ACBD6: variants seen among roughly 807,000 people sequenced by gnomAD.
ACBD6 encodes acyl-CoA-binding domain-containing protein 6.
Under a neutral mutation model 37.2 loss-of-function variants are expected in ACBD6, and 28 were observed. The observed-to-expected ratio is 0.75, with a 90% CI of 0.56 to 1.03. The LOEUF (loss-of-function observed/expected upper bound fraction) is 1.03, where lower values mean the gene tolerates loss of function less well. ACBD6 is among the 50% of genes least tolerant of loss of function. The pLI is 0.00. For missense variants in ACBD6, 340 were observed against 337.4 expected (o/e 1.01, Z -0.06); for synonymous variants, 113 against 126.8 (o/e 0.89, Z 0.73).
At chr1:180,435,337 C>CT in intron 3 of ACBD6, 1 of 432,680 alleles carries the variant, frequency 2.3e-6, no homozygotes, top group Non-Finnish European at 4.3e-6. Flanking sequence ...CAAGCTCCGT[C>CT]TCCTGGTTTC....
At chr1:180,429,797 C>T (rs1484105439) in intron 4 of ACBD6, among the ~76,000 whole-genome samples, 1 of 151,922 alleles carries the variant, frequency 6.6e-6, no homozygotes, top group East Asian at 1.9e-4. Flanking sequence ...AAAATTAACA[C>T]AAAAATCCTT....
At chr1:180,388,724 A>T (rs1243902733) in intron 6 of ACBD6, among the ~76,000 whole-genome samples, 1 of 152,130 alleles carries the variant, frequency 6.6e-6, no homozygotes, top group Admixed American at 6.5e-5. Flanking sequence ...TACAGGTGTG[A>T]CCCATCATGC....
intron 7 of ACBD6, among the ~76,000 whole-genome samples, chr1:180,305,367 T>C (rs1010263035): frequency 2.0e-5 from 3 of 152,080 alleles, no homozygotes; most frequent in African/African-American, 7.2e-5. Flanking sequence ...AAAGGGCTAA[T>C]ATCCAGAATC....
At chr1:180,450,647 C>T (rs1379074376) in intron 3 of ACBD6, among the ~76,000 whole-genome samples, 2 of 152,088 alleles carry the variant, frequency 1.3e-5, no homozygotes, top group Non-Finnish European at 2.9e-5. Flanking sequence ...GTAGTCCCAG[C>T]TATTCGGGAG....
At chr1:180,468,390 G>A (rs6670950) in intron 3 of ACBD6, among the ~76,000 whole-genome samples, 17,961 of 152,146 alleles carry the variant, frequency 0.12, 1,522 homozygotes, top group East Asian at 0.35. Flanking sequence ...CACCAAAGGA[G>A]GCTAAGAAGG....
intron 5 of ACBD6, among the ~76,000 whole-genome samples, chr1:180,406,205 C>T (rs1221235236): frequency 1.3e-5 from 2 of 151,984 alleles, no homozygotes; most frequent in Admixed American, 1.3e-4. Context: ...GGTTGAGTAT[C>T]CCTTATCCCA....
intron 5 of ACBD6, among the ~76,000 whole-genome samples, chr1:180,404,850 C>A (rs961730803): frequency 2.0e-5 from 3 of 151,936 alleles, no homozygotes; most frequent in Non-Finnish European, 4.4e-5. Flanking sequence ...TAAAAAATAC[C>A]CAAAATAAGT....
intron 7 of ACBD6, among the ~76,000 whole-genome samples, chr1:180,294,723 C>T (rs1198905769): frequency 6.7e-6 from 1 of 149,774 alleles, no homozygotes; most frequent in Non-Finnish European, 1.5e-5. Context: ...GGTGTCACAT[C>T]TCACTTTGTT....
At chr1:180,313,503 G>A (rs1650672217) in intron 7 of ACBD6, among the ~76,000 whole-genome samples, 1 of 152,144 alleles carries the variant, frequency 6.6e-6, no homozygotes, top group Non-Finnish European at 1.5e-5. Flanking sequence ...TTTTTAGCTT[G>A]GGATTTTTGA....
intron 6 of ACBD6, among the ~76,000 whole-genome samples, chr1:180,325,454 G>A (rs1651222461): frequency 6.6e-6 from 1 of 151,950 alleles, no homozygotes; most frequent in South Asian, 2.1e-4. Context: ...ATATTTATAT[G>A]ATAGAATTCT....
intron 3 of ACBD6, chr1:180,434,880 T>G (rs1648957418): frequency 6.5e-6 from 5 of 765,322 alleles, no homozygotes; most frequent in South Asian, 2.7e-5. Context: ...TTGGCTTGAT[T>G]TGAAAACAAA....
chr1:180,383,031 T>C (rs4436345), intron 6 of ACBD6, among the ~76,000 whole-genome samples: 124,530 of 152,142 alleles, frequency 0.82, 51,384 homozygotes, highest in Non-Finnish European at 0.88. Context: ...TAGGCATAGA[T>C]GGAACATACC....
At chr1:180,400,169 T>C (rs888931377) in intron 5 of ACBD6, among the ~76,000 whole-genome samples, 2 of 152,216 alleles carry the variant, frequency 1.3e-5, no homozygotes, top group African/African-American at 4.8e-5. Flanking sequence ...TATTTTAAAT[T>C]TCCCATATTT....
Position 180,272,002 on chromosome 1 carries a change from C to T in ACBD6, c.*1254-31G>A, listed in dbSNP as rs565803862. ...GGGTTAGTGACAGTGAGCTGAGCTT[C>T]CGAGGTGAGCAGGGCTGGAGGGGCC... On this transcript the variant is annotated intron_variant, in intron 13 of 13. Coordinates refer to the ACBD6 transcript ENST00000642319. 2.8e-5 allele frequency: 45 copies of T among 1,612,004 alleles called. No homozygotes were observed. The East Asian group carries it at 9.2e-4, about 33-fold the overall frequency.
intron 4 of ACBD6, among the ~76,000 whole-genome samples, chr1:180,420,115 ATATC>A (rs540438649): frequency 1.6e-3 from 247 of 152,242 alleles, no homozygotes; most frequent in South Asian, 3.7e-3. Context: ...GTTCCTCATC[ATATC>A]TATCTGGTTT....
At chr1:180,326,121 C>T (rs555959851) in intron 6 of ACBD6, among the ~76,000 whole-genome samples, 1 of 152,292 alleles carries the variant, frequency 6.6e-6, no homozygotes, top group African/African-American at 2.4e-5. Flanking sequence ...AAGCAAGTTA[C>T]CCCAGGCCCT....
chr1:180,368,325 GT>G (rs2016410545), intron 6 of ACBD6, among the ~76,000 whole-genome samples: 1 of 152,066 alleles, frequency 6.6e-6, no homozygotes, highest in South Asian at 2.1e-4. Flanking sequence ...CATTCTATAA[GT>G]TGTCTATTTA....
chr1:180,374,189 C>T (rs902303154), intron 6 of ACBD6, among the ~76,000 whole-genome samples: 4 of 152,132 alleles, frequency 2.6e-5, no homozygotes, highest in Admixed American at 6.5e-5. Flanking sequence ...GAAAGTGATT[C>T]CCATAATGAA....
chr1:180,281,104 T>C (rs1311144444), intron 9 of ACBD6, among the ~76,000 whole-genome samples: 4 of 152,200 alleles, frequency 2.6e-5, no homozygotes, highest in African/African-American at 9.7e-5. Flanking sequence ...GTAATAACTT[T>C]TTGGGATTAT....
Sources: gnomAD v4.1 joint callset for allele counts (sites outside exome capture counted in the v4.1 genomes callset) on GRCh38, gnomAD v4.1.1 for gene constraint, MANE v1.5 for transcripts, NCBI Gene and HGNC (gene_info 2026-07-23, HGNC 2026-07-21) for gene names.